RANBP2: variants seen among roughly 807,000 people sequenced by gnomAD.
RANBP2 encodes RAN binding protein 2.
In RANBP2, 57 loss-of-function variants were observed where a neutral mutation model predicts 303.6. The ratio of observed to expected loss-of-function variants is 0.19; its 90% CI spans 0.15 to 0.23. RANBP2 has a LOEUF of 0.23. Among genes scored for constraint, RANBP2 ranks in the 10% least tolerant of loss-of-function variants. The pLI is 1.00. For synonymous variants in RANBP2, 1,167 were observed against 1,301.5 expected, an observed-to-expected ratio of 0.90 and a Z score of 2.23; for missense variants, 3,138 against 3,780.8, an observed-to-expected ratio of 0.83 and a Z score of 4.46.
At chr2:109,707,492 C>T in the RANBP2 span, among the ~76,000 whole-genome samples, 23 of 152,330 alleles carry the variant, frequency 1.5e-4, no homozygotes, top group African/African-American at 4.3e-4. Flanking sequence ...TATAAATACC[C>T]ACGTTGCCAA....
the RANBP2 span, among the ~76,000 whole-genome samples, chr2:109,139,266 G>T: frequency 6.6e-6 from 1 of 152,140 alleles, no homozygotes; most frequent in Admixed American, 6.5e-5. Flanking sequence ...AATGTAGATT[G>T]TGCTAAATTA....
At chr2:109,099,754 G>A in the RANBP2 span, among the ~76,000 whole-genome samples, 1 of 152,060 alleles carries the variant, frequency 6.6e-6, no homozygotes, top group African/African-American at 2.4e-5. Context: ...CATCGTTTTT[G>A]CATACTTTTT....
At chr2:109,324,260 C>T in the RANBP2 span, among the ~76,000 whole-genome samples, 2 of 152,130 alleles carry the variant, frequency 1.3e-5, no homozygotes, top group African/African-American at 2.4e-5. Context: ...CAGGTAGTGC[C>T]CTGTGACTAT....
At chr2:109,343,329 C>T in the RANBP2 span, among the ~76,000 whole-genome samples, 1 of 152,156 alleles carries the variant, frequency 6.6e-6, no homozygotes, top group Non-Finnish European at 1.5e-5. Context: ...GCTTCTGCTC[C>T]TCCAAATAAA....
chr2:109,499,901 C>T, the RANBP2 span, among the ~76,000 whole-genome samples: 2 of 152,090 alleles, frequency 1.3e-5, no homozygotes, highest in Non-Finnish European at 2.9e-5. Context: ...AGCTCAGGTT[C>T]AATTGGCACA....
chr2:109,407,983 G>A, the RANBP2 span, among the ~76,000 whole-genome samples: 1 of 152,122 alleles, frequency 6.6e-6, no homozygotes, highest in Admixed American at 6.5e-5. Flanking sequence ...CCAGATCCAC[G>A]GGTTTCTGCC....
chr2:109,634,061 A>AGTG, the RANBP2 span, among the ~76,000 whole-genome samples: 4 of 132,380 alleles, frequency 3.0e-5, no homozygotes, highest in African/African-American at 1.1e-4. Flanking sequence ...CGGAGGTTGC[A>AGTG]GTGAGCCGAG....
the RANBP2 span, among the ~76,000 whole-genome samples, chr2:109,426,813 A>G: frequency 6.6e-6 from 1 of 152,168 alleles, no homozygotes; most frequent in African/African-American, 2.4e-5. Flanking sequence ...TTGCTGTCTT[A>G]TTTTAAGAAG....
the RANBP2 span, among the ~76,000 whole-genome samples, chr2:109,279,342 A>G: frequency 6.6e-6 from 1 of 152,226 alleles, no homozygotes; most frequent in Admixed American, 6.5e-5. Context: ...AGGTTCAAGC[A>G]CACTGACAAT....
the RANBP2 span, among the ~76,000 whole-genome samples, chr2:108,926,377 G>A: frequency 1.3e-5 from 2 of 152,120 alleles, no homozygotes; most frequent in East Asian, 1.9e-4. Context: ...GGGTCCCCTG[G>A]GATCTGTTGT....
chr2:109,643,419 A>C, the RANBP2 span, among the ~76,000 whole-genome samples: 1 of 152,144 alleles, frequency 6.6e-6, no homozygotes, highest in African/African-American at 2.4e-5. Context: ...GGTCGGCACA[A>C]GATACAGGTC....
At chr2:109,683,226 G>A in the RANBP2 span, among the ~76,000 whole-genome samples, 7 of 152,036 alleles carry the variant, frequency 4.6e-5, no homozygotes, top group African/African-American at 7.2e-5. Context: ...GGCTGGTCTC[G>A]AACTCCTGAC....
At chr2:109,461,444 C>T in the RANBP2 span, among the ~76,000 whole-genome samples, 7 of 137,268 alleles carry the variant, frequency 5.1e-5, no homozygotes, top group South Asian at 1.1e-3. Flanking sequence ...TAAAGACCTG[C>T]GCGGTGATCC....
the RANBP2 span, chr2:109,545,870 G>A: frequency 4.2e-6 from 6 of 1,445,512 alleles, no homozygotes; most frequent in South Asian, 9.1e-5. Context: ...TGCTGTTCTG[G>A]ATGCTGGGGA....
the RANBP2 span, among the ~76,000 whole-genome samples, chr2:109,140,261 G>T: frequency 6.6e-6 from 1 of 152,200 alleles, no homozygotes; most frequent in Non-Finnish European, 1.5e-5. Context: ...CTCTTCCTGA[G>T]ATCAGCTGCA....
At chr2:109,602,965 GA>G in the RANBP2 span, among the ~76,000 whole-genome samples, 1 of 151,196 alleles carries the variant, frequency 6.6e-6, no homozygotes, top group Non-Finnish European at 1.5e-5. Context: ...CTGATACTTG[GA>G]AGACTGAGGC....
the RANBP2 span, among the ~76,000 whole-genome samples, chr2:108,944,761 G>T: frequency 6.6e-6 from 1 of 152,150 alleles, no homozygotes; most frequent in Non-Finnish European, 1.5e-5. Flanking sequence ...GCACAGAGCC[G>T]GTCCCAGACC....
chr2:109,633,249 C>T, the RANBP2 span, among the ~76,000 whole-genome samples: 4,547 of 151,970 alleles, frequency 0.03, 82 homozygotes, highest in South Asian at 0.076. Context: ...ACAGATTAGC[C>T]GGACGTGGTG....
the RANBP2 span, among the ~76,000 whole-genome samples, chr2:109,495,483 T>A: frequency 4.5e-5 from 2 of 44,344 alleles, no homozygotes; most frequent in Non-Finnish European, 8.4e-5. Flanking sequence ...ATTCCTTTTT[T>A]TTTTTTTTTT....
Sources: allele counts gnomAD v4.1 joint callset (sites outside exome capture counted in the v4.1 genomes callset), GRCh38; gene constraint gnomAD v4.1.1; transcripts MANE v1.5; gene names NCBI Gene and HGNC (gene_info 2026-07-23, HGNC 2026-07-21).